RANBP2: variants seen among roughly 807,000 people sequenced by gnomAD.
The protein encoded by RANBP2 is RAN binding protein 2, also known as E3 SUMO-protein ligase RanBP2.
RANBP2 carries 57 observed loss-of-function variants against 303.6 expected under a neutral mutation model. That is an observed-to-expected ratio of 0.19 (90% CI 0.15 to 0.23). The LOEUF (loss-of-function observed/expected upper bound fraction) is 0.23, where lower values mean the gene tolerates loss of function less well. Ranked by LOEUF, RANBP2 falls within the 10% of genes least tolerant of loss-of-function variation. RANBP2 has a pLI of 1.00. For missense variants in RANBP2, 3,138 were observed against 3,780.8 expected, an observed-to-expected ratio of 0.83 and a Z score of 4.46; for synonymous variants, 1,167 against 1,301.5, an observed-to-expected ratio of 0.90 and a Z score of 2.23.
the RANBP2 span, among the ~76,000 whole-genome samples, chr2:108,952,275 T>C: frequency 1.3e-5 from 2 of 152,174 alleles, no homozygotes; most frequent in Non-Finnish European, 2.9e-5. Flanking sequence ...AATGGGTTCA[T>C]GTGAAGGGGA....
rs1678561766 is a variant in RANBP2 at position 108,785,542 on chromosome 2, AG to A, written c.*1642del. On this transcript the variant is annotated 3_prime_UTR_variant, in exon 29 of 29. Transcript: ENST00000283195. ...AAAGCACTAAAGTTACAAATTAAAA[AG>A]CTTTAAAAACTTTGACCAAAAATTT... The A allele has an allele frequency of 6.6e-6, 1 of 152,242 alleles. No individual in the cohort carries two copies. Among genetic ancestry groups the A allele is most frequent in the Non-Finnish European group, 1.5e-5 (1 of 68,040 alleles). The allele number at this position is 152,242 out of a possible 1,614,324, so 9.4% of individuals were successfully genotyped here. A position where few individuals can be genotyped will look rare whatever the true frequency, so the allele number is the denominator to read the frequency against.
At chr2:108,983,072 C>T in the RANBP2 span, among the ~76,000 whole-genome samples, 2 of 152,202 alleles carry the variant, frequency 1.3e-5, no homozygotes, top group African/African-American at 4.8e-5. Flanking sequence ...TACCGATGCA[C>T]AATTAGTTTG....
the RANBP2 span, chr2:109,545,800 T>A: frequency 7.0e-7 from 1 of 1,425,084 alleles, no homozygotes; most frequent in Non-Finnish European, 9.1e-7. Context: ...CACTGTGATG[T>A]ATTTTTATTT....
At chr2:109,490,889 G>C in the RANBP2 span, 11 of 1,527,414 alleles carry the variant, frequency 7.2e-6, no homozygotes, top group Middle Eastern at 1.7e-4. Context: ...AAGCTCCGCT[G>C]TCCATGGCTG....
At chr2:109,134,720 C>T in the RANBP2 span, among the ~76,000 whole-genome samples, 1 of 152,174 alleles carries the variant, frequency 6.6e-6, no homozygotes. Context: ...AGTCCTCTTA[C>T]TCTACCACAG....
chr2:109,295,252 G>A, the RANBP2 span, among the ~76,000 whole-genome samples: 43 of 152,294 alleles, frequency 2.8e-4, no homozygotes, highest in African/African-American at 8.2e-4. Context: ...ACACTCCCTC[G>A]CTTGGGCCTG....
the RANBP2 span, among the ~76,000 whole-genome samples, chr2:108,904,469 C>T: frequency 6.6e-6 from 1 of 152,206 alleles, no homozygotes; most frequent in Admixed American, 6.5e-5. Context: ...GGGTCTTTAT[C>T]CCAGATAAAT....
At chr2:109,387,987 G>A in the RANBP2 span, among the ~76,000 whole-genome samples, 78,995 of 151,568 alleles carry the variant, frequency 0.52, 21,040 homozygotes, top group South Asian at 0.61. Flanking sequence ...GGGACTCCTC[G>A]GTCCCTGTTC....
At chr2:108,907,601 T>C in the RANBP2 span, among the ~76,000 whole-genome samples, 1 of 151,170 alleles carries the variant, frequency 6.6e-6, no homozygotes, top group African/African-American at 2.4e-5. Flanking sequence ...TGAGCCGAGA[T>C]CGCACCACTG....
chr2:108,836,250 A>G, the RANBP2 span, among the ~76,000 whole-genome samples: 1 of 152,226 alleles, frequency 6.6e-6, no homozygotes, highest in Non-Finnish European at 1.5e-5. Flanking sequence ...GGATGGAATC[A>G]TAATAGTATT....
the RANBP2 span, among the ~76,000 whole-genome samples, chr2:108,881,837 T>G: frequency 1.3e-5 from 2 of 152,114 alleles, no homozygotes; most frequent in African/African-American, 4.8e-5. Flanking sequence ...CTGAAACAAT[T>G]ACAATAGTAA....
At chr2:109,001,119 A>T in the RANBP2 span, among the ~76,000 whole-genome samples, 1 of 152,126 alleles carries the variant, frequency 6.6e-6, no homozygotes, top group Non-Finnish European at 1.5e-5. Context: ...TTGCTACATG[A>T]GTGGCTCGTA....
the RANBP2 span, chr2:109,564,088 C>T: frequency 9.0e-6 from 3 of 333,484 alleles, no homozygotes; most frequent in Non-Finnish European, 1.1e-5. Context: ...CCTTCAGTTA[C>T]TCATGTCAGC....
chr2:108,793,708 T>C, the RANBP2 span, among the ~76,000 whole-genome samples: 7 of 151,914 alleles, frequency 4.6e-5, no homozygotes, highest in Non-Finnish European at 8.8e-5. Context: ...GCCACTCTCC[T>C]GCCTCAGCCT....
the RANBP2 span, chr2:109,432,681 T>A: frequency 6.2e-7 from 1 of 1,607,702 alleles, no homozygotes; most frequent in Non-Finnish European, 8.5e-7. Context: ...GGTGAGGGCA[T>A]GGTGGTGGCA....
the RANBP2 span, chr2:109,544,437 G>C: frequency 7.1e-7 from 1 of 1,402,412 alleles, no homozygotes; most frequent in African/African-American, 1.5e-5. Flanking sequence ...CTTTGAAAAA[G>C]AAAAGAAAAA....
At chr2:109,515,486 G>GT in the RANBP2 span, among the ~76,000 whole-genome samples, 1 of 152,132 alleles carries the variant, frequency 6.6e-6, no homozygotes, top group African/African-American at 2.4e-5. Flanking sequence ...GCCATTGGCA[G>GT]TGCAGGCCCT....
the RANBP2 span, among the ~76,000 whole-genome samples, chr2:109,038,358 A>C: frequency 2.6e-5 from 4 of 152,068 alleles, no homozygotes; most frequent in Non-Finnish European, 5.9e-5. Flanking sequence ...GCTCTGGCCA[A>C]GTGTGGTGGC....
At chr2:109,693,824 C>A in the RANBP2 span, among the ~76,000 whole-genome samples, 1 of 152,178 alleles carries the variant, frequency 6.6e-6, no homozygotes, top group Admixed American at 6.5e-5. Flanking sequence ...TGTGTTCTGA[C>A]CACCTTGGGC....
Sources: gnomAD v4.1 joint callset for allele counts (sites outside exome capture counted in the v4.1 genomes callset) on GRCh38, gnomAD v4.1.1 for gene constraint, MANE v1.5 for transcripts, NCBI Gene and HGNC (gene_info 2026-07-23, HGNC 2026-07-21) for gene names.